The following SLC24A2 variants were observed in gnomAD, a reference collection of about 807,000 sequenced individuals.
SLC24A2 encodes sodium/potassium/calcium exchanger 2.
In SLC24A2, 36 loss-of-function variants were observed where a neutral mutation model predicts 62.0. That is an observed-to-expected ratio of 0.58 (90% CI 0.44 to 0.77). The LOEUF (loss-of-function observed/expected upper bound fraction) is 0.77, where lower values mean the gene tolerates loss of function less well. Among genes scored for constraint, SLC24A2 ranks in the 30% least tolerant of loss-of-function variants. The pLI is 0.00. For missense variants in SLC24A2, 846 were observed against 817.9 expected (o/e 1.03, Z -0.42); for synonymous variants, 358 against 294.0 (o/e 1.22, Z -2.23).
At chr9:20,226,143 T>G in the SLC24A2 span, among the ~76,000 whole-genome samples, 2 of 152,176 alleles carry the variant, frequency 1.3e-5, no homozygotes, top group African/African-American at 4.8e-5. Context: ...TTTCTTTTTT[T>G]CTATTTGTTT....
Position 19,786,307 on chromosome 9 carries a change from G to C in SLC24A2, c.560C>G (p.Pro187Arg). ...CCCTATGAGAGATGTGAAAAGTTCT[G>C]GGGCTGACCCTCCTGCAGCCATGAA... ...ATFMAAGGSA[P>R]ELFTSLIGVF... Residue 187 changes from proline to arginine, a missense_variant, in exon 2 of 11, where the codon CCA becomes CGA. Coordinates refer to ENST00000341998, the MANE Select transcript of SLC24A2 (RefSeq NM_020344.4). The surrounding 1 kb of genome is among the most constrained non-coding windows in gnomAD (Gnocchi z 5.0). The C allele has an allele frequency of 6.2e-7, 1 of 1,614,110 alleles. No homozygotes were observed. The highest frequency in any genetic ancestry group is 8.5e-7 in the Non-Finnish European group (1 of 1,180,028).
the SLC24A2 span, among the ~76,000 whole-genome samples, chr9:19,850,961 A>T: frequency 2.2e-4 from 5 of 22,892 alleles, no homozygotes; most frequent in African/African-American, 6.2e-4. Flanking sequence ...ATATATATAT[A>T]TATATGTATA....
the SLC24A2 span, among the ~76,000 whole-genome samples, chr9:19,805,463 A>G: frequency 6.6e-6 from 1 of 152,202 alleles, no homozygotes; most frequent in Non-Finnish European, 1.5e-5. Context: ...TTATTAAAAA[A>G]TGCATTTTAG....
chr9:20,256,654 G>T, the SLC24A2 span, among the ~76,000 whole-genome samples: 1 of 152,122 alleles, frequency 6.6e-6, no homozygotes, highest in Non-Finnish European at 1.5e-5. Context: ...TAATCCAACT[G>T]TGCAGTTCTT....
chr9:20,077,132 C>A, the SLC24A2 span, among the ~76,000 whole-genome samples: 1 of 151,488 alleles, frequency 6.6e-6, no homozygotes, highest in Non-Finnish European at 1.5e-5. Context: ...TAATCAGGGG[C>A]AGAGCGTGTG....
chr9:20,002,037 CA>C, the SLC24A2 span, among the ~76,000 whole-genome samples: 27 of 152,118 alleles, frequency 1.8e-4, no homozygotes, highest in Non-Finnish European at 3.8e-4. Context: ...AAGTTTGAGG[CA>C]GTCCTCAGGG....
At chr9:20,200,318 C>T in the SLC24A2 span, among the ~76,000 whole-genome samples, 2 of 152,196 alleles carry the variant, frequency 1.3e-5, no homozygotes, top group Admixed American at 1.3e-4. Context: ...TCTGGCTCTG[C>T]CTCTTTCTGT....
chr9:19,550,693 T>C (rs192650128), intron 7 of SLC24A2, among the ~76,000 whole-genome samples: 1 of 120,100 alleles, frequency 8.3e-6, no homozygotes, highest in Non-Finnish European at 1.7e-5. Flanking sequence ...TGATAAAAAA[T>C]ATTTCTTTTT....
chr9:19,851,648 G>A, the SLC24A2 span, among the ~76,000 whole-genome samples: 2 of 152,072 alleles, frequency 1.3e-5, no homozygotes, highest in African/African-American at 2.4e-5. Flanking sequence ...TCCCTGCAAA[G>A]GACATGATCT....
chr9:19,731,344 C>G (rs138904306), intron 2 of SLC24A2, among the ~76,000 whole-genome samples: 244 of 152,190 alleles, frequency 1.6e-3, no homozygotes, highest in Non-Finnish European at 2.7e-3. Flanking sequence ...GTGTACCAAC[C>G]CCACCCACAT....
At chr9:20,051,925 C>A in the SLC24A2 span, among the ~76,000 whole-genome samples, 5 of 151,856 alleles carry the variant, frequency 3.3e-5, no homozygotes, top group African/African-American at 1.2e-4. Flanking sequence ...ATCCTTTAAT[C>A]CCCCGTTTTC....
At chr9:19,540,531 G>T (rs2132705043) in intron 8 of SLC24A2, among the ~76,000 whole-genome samples, 1 of 150,484 alleles carries the variant, frequency 6.6e-6, no homozygotes, top group East Asian at 2.0e-4. Context: ...TTGAATATTG[G>T]CCCCCACTCT....
chr9:19,790,711 G>A (rs915433822), upstream of SLC24A2, among the ~76,000 whole-genome samples: 9 of 152,180 alleles, frequency 5.9e-5, no homozygotes, highest in East Asian at 1.5e-3. Context: ...CATTTATTTT[G>A]CCTTTTCTAT....
chr9:20,117,536 C>G, the SLC24A2 span, among the ~76,000 whole-genome samples: 1 of 152,074 alleles, frequency 6.6e-6, no homozygotes, highest in African/African-American at 2.4e-5. Context: ...TTTAAAGTGT[C>G]TAATATAAAT....
chr9:19,521,201 C>G (rs1833182544), intron 9 of SLC24A2, 141 bp from the exon 10 acceptor site: 1 of 770,334 alleles, frequency 1.3e-6, no homozygotes, highest in African/African-American at 1.7e-5. Context: ...GATGAATAAG[C>G]CACAGTCATT....
chr9:20,018,138 G>C, the SLC24A2 span, among the ~76,000 whole-genome samples: 1 of 152,030 alleles, frequency 6.6e-6, no homozygotes, highest in African/African-American at 2.4e-5. Flanking sequence ...TAGTAGAGAT[G>C]GGGTTTCACC....
the SLC24A2 span, among the ~76,000 whole-genome samples, chr9:20,181,036 A>C: frequency 1.3e-5 from 2 of 152,216 alleles, no homozygotes; most frequent in East Asian, 3.9e-4. Flanking sequence ...GTTCATGTCA[A>C]AAAGAAATTG....
the SLC24A2 span, among the ~76,000 whole-genome samples, chr9:20,090,607 C>T: frequency 6.6e-6 from 1 of 151,942 alleles, no homozygotes; most frequent in Non-Finnish European, 1.5e-5. Flanking sequence ...AACACCCCCA[C>T]CCCCAACCCC....
At chr9:19,834,597 G>C in the SLC24A2 span, among the ~76,000 whole-genome samples, 1 of 151,626 alleles carries the variant, frequency 6.6e-6, no homozygotes, top group Non-Finnish European at 1.5e-5. Context: ...ATCTATGTCT[G>C]ATTGGTGTAC....
Sources: gnomAD v4.1 joint callset for allele counts (sites outside exome capture counted in the v4.1 genomes callset) on GRCh38, gnomAD v4.1.1 for gene constraint, Gnocchi (gnomAD v3.1) non-coding constraint, MANE v1.5 for transcripts, NCBI Gene and HGNC (gene_info 2026-07-23, HGNC 2026-07-21) for gene names.